ZNF892: variants seen among roughly 807,000 people sequenced by gnomAD.
ZNF892 encodes zinc finger protein 892, also known as zinc finger protein 570-like.
chr2:95,250,827 TCA>T, the ZNF892 span, among the ~76,000 whole-genome samples: 17 of 146,178 alleles, frequency 1.2e-4, no homozygotes, highest in Admixed American at 2.1e-4. Flanking sequence ...TTATAAATAT[TCA>T]CAGTTATTTA....
At chr2:95,207,628 AGAG>A in the ZNF892 span, 1 of 392,038 alleles carries the variant, frequency 2.6e-6, no homozygotes, top group Non-Finnish European at 4.5e-6. Context: ...AACCCAGGGT[AGAG>A]GAGGGCTGAA....
At chr2:95,238,859 C>T in the ZNF892 span, among the ~76,000 whole-genome samples, 1 of 151,978 alleles carries the variant, frequency 6.6e-6, no homozygotes, top group Non-Finnish European at 1.5e-5. Flanking sequence ...GGAGCCTGGG[C>T]CAGGCGCGGT....
At chr2:95,219,156 G>C in the ZNF892 span, among the ~76,000 whole-genome samples, 7 of 151,650 alleles carry the variant, frequency 4.6e-5, no homozygotes, top group Admixed American at 1.3e-4. Flanking sequence ...CTGCTACCAT[G>C]CCCGGCTAAT....
chr2:95,229,343 A>G, the ZNF892 span, among the ~76,000 whole-genome samples: 1 of 152,168 alleles, frequency 6.6e-6, no homozygotes, highest in Non-Finnish European at 1.5e-5. Flanking sequence ...GAATTTTTAC[A>G]TGTCTATAAA....
At chr2:95,255,471 C>T in the ZNF892 span, among the ~76,000 whole-genome samples, 1 of 152,156 alleles carries the variant, frequency 6.6e-6, no homozygotes, top group Non-Finnish European at 1.5e-5. Flanking sequence ...TGTTCTTTTA[C>T]ATTTGCTGAG....
chr2:95,253,998 T>G, the ZNF892 span, among the ~76,000 whole-genome samples: 22 of 152,244 alleles, frequency 1.4e-4, no homozygotes, highest in African/African-American at 5.1e-4. Context: ...GATGGGATTT[T>G]CTAGATATAC....
At chr2:95,249,231 A>ATTT in the ZNF892 span, among the ~76,000 whole-genome samples, 45 of 57,122 alleles carry the variant, frequency 7.9e-4, no homozygotes, top group Admixed American at 1.9e-3. Flanking sequence ...ATATATATAT[A>ATTT]TTTTTTTTTT....
At chr2:95,259,108 A>C in the ZNF892 span, 1 of 152,186 alleles carries the variant, frequency 6.6e-6, no homozygotes, top group East Asian at 1.9e-4. Context: ...CCCATTGAAG[A>C]ATGTTCCTTT....
At chr2:95,232,188 C>A in the ZNF892 span, 31 of 152,204 alleles carry the variant, frequency 2.0e-4, no homozygotes, top group African/African-American at 7.0e-4. Context: ...TCCACAGAGA[C>A]GTACTTCTGC....
At chr2:95,213,276 G>A in the ZNF892 span, among the ~76,000 whole-genome samples, 1 of 152,114 alleles carries the variant, frequency 6.6e-6, no homozygotes, top group Non-Finnish European at 1.5e-5. Context: ...CCCTTAGCTG[G>A]ATGTCCATTT....
At chr2:95,258,731 G>A in the ZNF892 span, among the ~76,000 whole-genome samples, 1 of 151,934 alleles carries the variant, frequency 6.6e-6, no homozygotes, top group Admixed American at 6.6e-5. Context: ...CCTCTCCCAG[G>A]GCCCCGTCCA....
the ZNF892 span, among the ~76,000 whole-genome samples, chr2:95,210,249 A>ATGTGTATATATATGTG: frequency 6.7e-6 from 1 of 150,038 alleles, no homozygotes; most frequent in Non-Finnish European, 1.5e-5. Context: ...GTATATATAT[A>ATGTGTATATATATGTG]TGTGTATATA....
the ZNF892 span, among the ~76,000 whole-genome samples, chr2:95,261,483 C>T: frequency 3.3e-5 from 5 of 152,034 alleles, no homozygotes; most frequent in Admixed American, 6.6e-5. Context: ...TTAGTAGAGA[C>T]GGGGTTTCAC....
the ZNF892 span, among the ~76,000 whole-genome samples, chr2:95,209,525 G>C: frequency 1.3e-5 from 2 of 152,234 alleles, no homozygotes; most frequent in African/African-American, 4.8e-5. Flanking sequence ...GGCCAAGACA[G>C]TGGGAGATTG....
At chr2:95,224,042 A>G in the ZNF892 span, among the ~76,000 whole-genome samples, 1 of 152,200 alleles carries the variant, frequency 6.6e-6, no homozygotes, top group Non-Finnish European at 1.5e-5. Context: ...GACACAATGA[A>G]AAGACAGTCA....
the ZNF892 span, among the ~76,000 whole-genome samples, chr2:95,249,456 T>C: frequency 2.0e-5 from 3 of 147,764 alleles, no homozygotes; most frequent in Admixed American, 2.0e-4. Context: ...ACCATGTTGG[T>C]CAGGCTGGTC....
At chr2:95,212,227 G>T in the ZNF892 span, 2 of 398,494 alleles carry the variant, frequency 5.0e-6, no homozygotes, top group Non-Finnish European at 8.8e-6. Context: ...TAATCTCTCA[G>T]TTGGAGCATG....
the ZNF892 span, among the ~76,000 whole-genome samples, chr2:95,213,117 A>G: frequency 3.8e-4 from 58 of 152,272 alleles, no homozygotes; most frequent in African/African-American, 1.4e-3. Flanking sequence ...GTATTCCTCT[A>G]CCTGCTTTCA....
the ZNF892 span, among the ~76,000 whole-genome samples, chr2:95,245,457 G>GT: frequency 2.7e-5 from 3 of 109,536 alleles, no homozygotes; most frequent in African/African-American, 3.8e-5. Context: ...CGGCGGGGGG[G>GT]GGGGGGTTTC....
Sources: allele counts gnomAD v4.1 joint callset (sites outside exome capture counted in the v4.1 genomes callset), GRCh38; gene constraint gnomAD v4.1.1; transcripts MANE v1.5; gene names NCBI Gene and HGNC (gene_info 2026-07-23, HGNC 2026-07-21).